CHD6: variants seen among roughly 807,000 people sequenced by gnomAD.
CHD6 encodes the protein chromodomain helicase DNA binding protein 6, also known as ATP-dependent chromatin remodeler CHD6.
In CHD6, 50 loss-of-function variants were observed where a neutral mutation model predicts 276.9. The ratio of observed to expected loss-of-function variants is 0.18; its 90% CI spans 0.14 to 0.23. The LOEUF is 0.23. Ranked by LOEUF, CHD6 falls within the 10% of genes least tolerant of loss-of-function variation. The probability of loss-of-function intolerance (pLI) is 1.00; values close to 1 mark genes in which losing one functional copy is unlikely to be tolerated. For missense variants in CHD6, 2,564 were observed against 3,365.8 expected (o/e 0.76, Z 5.89); for synonymous variants, 1,173 against 1,229.3 (o/e 0.95, Z 0.96).
chr20:41,423,790 TAA>T (rs2047274421), intron 29 of CHD6, 90 bp from the exon 30 acceptor site: 1 of 1,030,802 alleles, frequency 9.7e-7, no homozygotes, highest in Non-Finnish European at 1.5e-6. Context: ...TGAGAGCCCA[TAA>T]AGTCAAGAAA....
intron 1 of CHD6, among the ~76,000 whole-genome samples, chr20:41,553,564 T>C (rs184290645): frequency 6.6e-6 from 1 of 152,368 alleles, no homozygotes; most frequent in Admixed American, 6.5e-5. Context: ...AATCGGGTAT[T>C]AGTTTAAGAG....
rs759212130 is a variant in CHD6, at chr20:41,483,467, G to A, written c.2310C>T (p.Ala770=). Residue 770 remains alanine (A), a synonymous_variant, in exon 16 of 37, where the codon GCC becomes GCT. Transcript: ENST00000373233. ...EDFRKTHSPD[A]PDFQLQAMIQ... Reference sequence around the variant, plus strand: ...TCATGGCCTGCAGCTGAAAGTCAGGGGCATCAGGGCTGTGGGTTTTTCGGA... The same window carrying A: ...TCATGGCCTGCAGCTGAAAGTCAGGAGCATCAGGGCTGTGGGTTTTTCGGA... 3.7e-6 allele frequency: 6 copies of A among 1,613,524 alleles called. No individual in the cohort carries two copies. The East Asian group carries it at 1.1e-4, about 30-fold the overall frequency.
At chr20:41,605,157 G>A (rs943640343) in intron 1 of CHD6, among the ~76,000 whole-genome samples, 27 of 152,094 alleles carry the variant, frequency 1.8e-4, no homozygotes, top group African/African-American at 6.5e-4. Context: ...CATATATAGA[G>A]AGACAGAAAG....
chr20:41,538,017 G>A (rs2044869176), intron 2 of CHD6, among the ~76,000 whole-genome samples: 1 of 152,210 alleles, frequency 6.6e-6, no homozygotes, highest in Admixed American at 6.5e-5. Flanking sequence ...CAAACAAAAT[G>A]TGGTATGTCC....
intron 1 of CHD6, among the ~76,000 whole-genome samples, chr20:41,591,321 T>C (rs948170719): frequency 6.6e-6 from 1 of 151,260 alleles, no homozygotes; most frequent in Non-Finnish European, 1.5e-5. Flanking sequence ...GTAACAAACC[T>C]GCACAATGTG....
chr20:41,504,695 G>GC (rs1195901734), intron 5 of CHD6, among the ~76,000 whole-genome samples: 2 of 152,144 alleles, frequency 1.3e-5, no homozygotes, highest in Non-Finnish European at 2.9e-5. Context: ...ATAGGCACGA[G>GC]CCACTGTGCT....
intron 22 of CHD6, among the ~76,000 whole-genome samples, chr20:41,451,497 T>A (rs2048238397): frequency 6.6e-6 from 1 of 151,806 alleles, no homozygotes; most frequent in Admixed American, 6.6e-5. Flanking sequence ...CAGACAGAGG[T>A]GGGACAGGGA....
intron 3 of CHD6, among the ~76,000 whole-genome samples, chr20:41,522,391 CGT>C (rs1288436440): frequency 6.6e-5 from 3 of 45,710 alleles, no homozygotes; most frequent in African/African-American, 6.4e-4. Context: ...TTGTAACCAA[CGT>C]AGAAAAGATG....
At chr20:41,612,656 A>C (rs2045897809) in intron 1 of CHD6, among the ~76,000 whole-genome samples, 1 of 152,256 alleles carries the variant, frequency 6.6e-6, no homozygotes, top group South Asian at 2.1e-4. Context: ...TCTATGATCT[A>C]GACTTAGCTT....
intron 27 of CHD6, among the ~76,000 whole-genome samples, chr20:41,433,827 A>G (rs1425610461): frequency 6.6e-6 from 1 of 152,238 alleles, no homozygotes; most frequent in Non-Finnish European, 1.5e-5. Flanking sequence ...GGGTAAAGGA[A>G]CAAAAATGGA....
intron 3 of CHD6, among the ~76,000 whole-genome samples, chr20:41,522,182 A>C (rs1480167211): frequency 6.6e-6 from 1 of 152,092 alleles, no homozygotes; most frequent in Non-Finnish European, 1.5e-5. Flanking sequence ...TCTACAAAAA[A>C]ATCGGGAAAA....
In CHD6 at chr20:41,496,388, C is replaced by T. The variant is rs577082947; in HGVS notation, c.1092+996G>A. On this transcript the variant is annotated intron_variant, in intron 8 of 36. Transcript: ENST00000373233. ...CTCTCAGTATTGGATCTGGTTAGAACGTCTCCTGGGTGTTCAGGAGTTAGG... is the reference window on the plus strand; with the variant it reads ...CTCTCAGTATTGGATCTGGTTAGAATGTCTCCTGGGTGTTCAGGAGTTAGG... Among the ~76,000 whole-genome samples, 11 of 152,238 alleles carry T rather than the reference C, an allele frequency of 7.2e-5. No individual in the cohort carries two copies. In the South Asian group the frequency reaches 1.2e-3, roughly 17 times the overall value.
chr20:41,532,814 C>T (rs992692339), intron 3 of CHD6, among the ~76,000 whole-genome samples: 8 of 152,172 alleles, frequency 5.3e-5, no homozygotes, highest in Non-Finnish European at 1.0e-4. Context: ...ACACAAATGT[C>T]GTTTTTGAAA....
chr20:41,559,179 A>ACACACACACACACAG (rs1568701892), intron 1 of CHD6, among the ~76,000 whole-genome samples: 13 of 146,444 alleles, frequency 8.9e-5, no homozygotes, highest in African/African-American at 3.3e-4. Context: ...CACACACACA[A>ACACACACACACACAG]AGTAAACTTT....
intron 5 of CHD6, among the ~76,000 whole-genome samples, chr20:41,504,630 G>T (rs956526463): frequency 6.6e-6 from 1 of 151,802 alleles, no homozygotes; most frequent in Non-Finnish European, 1.5e-5. Context: ...GGTTGGCCTC[G>T]AAATTCTAAG....
chr20:41,422,618 C>A (rs985040733), intron 30 of CHD6, among the ~76,000 whole-genome samples: 17 of 152,330 alleles, frequency 1.1e-4, no homozygotes, highest in Admixed American at 9.1e-4. Flanking sequence ...GTACTCTACA[C>A]TAGGTACTTT....
chr20:41,448,100 A>G, intron 23 of CHD6, 129 bp from the exon 24 acceptor site: 1 of 496,502 alleles, frequency 2.0e-6, no homozygotes, highest in South Asian at 4.0e-5. Flanking sequence ...AATAGAAGAG[A>G]AGGCACTAGA....
At chr20:41,570,293 T>G (rs965237593) in intron 1 of CHD6, among the ~76,000 whole-genome samples, 5 of 151,946 alleles carry the variant, frequency 3.3e-5, no homozygotes, top group African/African-American at 7.3e-5. Flanking sequence ...CCTCAAGGAG[T>G]TGGTGCAAAG....
chr20:41,406,412 T>A (rs1038451599), intron 36 of CHD6, among the ~76,000 whole-genome samples: 1 of 152,208 alleles, frequency 6.6e-6, no homozygotes, highest in Non-Finnish European at 1.5e-5. Context: ...GACATTCCCA[T>A]AACCCATCAG....
Sources: gnomAD v4.1 joint callset for allele counts (sites outside exome capture counted in the v4.1 genomes callset) on GRCh38, gnomAD v4.1.1 for gene constraint, MANE v1.5 for transcripts, NCBI Gene and HGNC (gene_info 2026-07-23, HGNC 2026-07-21) for gene names.